Variants in PCDHGB7 observed in about 807,000 individuals in gnomAD.
PCDHGB7 encodes the protein protocadherin gamma-B7.
A neutral mutation model predicts 61.4 loss-of-function variants in PCDHGB7; 37 were observed. The ratio of observed to expected loss-of-function variants is 0.60; its 90% confidence interval spans 0.46 to 0.79. The LOEUF is 0.79. Among genes scored for constraint, PCDHGB7 ranks in the 30% least tolerant of loss-of-function variants. The pLI, the probability that PCDHGB7 is intolerant of heterozygous loss-of-function variation, is 0.00. For synonymous variants in PCDHGB7, 464 were observed against 503.5 expected (o/e 0.92, Z 1.05); for missense variants, 1,166 against 1,202.5 (o/e 0.97, Z 0.45).
At chr5:141,433,256 C>G (rs760130587) in intron 1 of PCDHGB7, 2 of 1,385,666 alleles carry the variant, frequency 1.4e-6, no homozygotes, top group Non-Finnish European at 2.0e-6. Context: ...TGCAGCGGTA[C>G]GATCATAGCT....
At position 141,419,904 on chromosome 5, in the gene PCDHGB7, C is replaced by G. The variant is rs2096446397; in HGVS notation, c.2045C>G (p.Ser682Cys). The change falls in exon 1 of 4, where the codon TCT (serine) becomes TGT (cysteine). Residue 682 changes from serine to cysteine, a missense_variant. Ser to Cys is a moderately radical substitution (Grantham distance 112). Coordinates refer to ENST00000398594, the MANE Select transcript of PCDHGB7 (RefSeq NM_018927.4). ...GATTTCAGCGACCATCCCACACCCT[C>G]TGACTCCCAGGCTGAGATGCAGTTT... ...LPDFSDHPTP[S>C]DSQAEMQFYL... The G allele has an allele frequency of 1.2e-6, 2 of 1,614,108 alleles. No individual in the cohort carries two copies. Among genetic ancestry groups the G allele is most frequent in the Non-Finnish European group, 1.7e-6 (2 of 1,179,906 alleles).
chr5:141,417,942 C>T lies in PCDHGB7; in HGVS notation c.83C>T (p.Thr28Met), dbSNP rs1324501154. The change falls in exon 1 of 4, where the codon ACG becomes ATG. Residue 28 changes from threonine to methionine, a missense_variant. Coordinates refer to ENST00000398594, the MANE Select transcript of PCDHGB7 (RefSeq NM_018927.4). ...FPLLLPLFYP[T>M]LCEPIRYSIP... is the part of the protein sequence containing the mutation. ...TTGCTGCTGCCTTTGTTCTACCCCA[C>T]GCTGTGTGAGCCGATCCGCTACTCG... 2.5e-6 allele frequency: 4 copies of T among 1,613,090 alleles called. No homozygotes were observed. Among genetic ancestry groups the T allele is most frequent in the South Asian group, 1.1e-5 (1 of 91,020 alleles).
Position 141,489,173 on chromosome 5 carries a change from C to T in PCDHGB7, c.2416-5634C>T. 8.3e-7 allele frequency: 1 copy of T among 1,208,434 alleles called. No individual in the cohort carries two copies. Among genetic ancestry groups the T allele is most frequent in the Non-Finnish European group, 1.2e-6 (1 of 860,944 alleles). The allele number at this position is 1,208,434 out of a possible 1,614,324, so 74.9% of individuals were successfully genotyped here. ...CATAAGAGACTTCAGCTGCTGCATTCCAAGCCCTGGGTCTACCTTGGAGAC... is the reference window on the plus strand; with the variant it reads ...CATAAGAGACTTCAGCTGCTGCATTTCAAGCCCTGGGTCTACCTTGGAGAC... On this transcript the variant is annotated intron_variant, in intron 1 of 3. Coordinates refer to ENST00000398594, the MANE Select transcript of PCDHGB7 (RefSeq NM_018927.4). The surrounding 1 kb of genome is among the most constrained non-coding windows in gnomAD (Gnocchi z 4.5).
At position 141,422,630 on chromosome 5, in the gene PCDHGB7, G is replaced by A. The variant is rs1193466428; in HGVS notation, c.2415+2356G>A. 5 of 1,613,176 alleles carry A rather than the reference G, an allele frequency of 3.1e-6. No homozygotes were observed. The Admixed American group carries it at 8.3e-5, about 27-fold the overall frequency. On this transcript the variant is annotated intron_variant, in intron 1 of 3. Coordinates refer to ENST00000398594, the MANE Select transcript of PCDHGB7 (RefSeq NM_018927.4). ...GCCTACATTCCCGAAAACAACCCCA[G>A]GGGTGCCTCCATCTTCTCAGTGACC...
Position 141,419,025 on chromosome 5 carries a change from G to T in PCDHGB7, c.1166G>T (p.Gly389Val), listed in dbSNP as rs2096315076. 6.2e-6 allele frequency: 10 copies of T among 1,613,736 alleles called. No homozygotes were observed. In the East Asian group the frequency reaches 2.0e-4, roughly 32 times the overall value. Residue 389 changes from glycine to valine, a missense_variant, in exon 1 of 4, where the codon GGT becomes GTT. Transcript: ENST00000398594. The part of the protein sequence containing the change: ...NGEVRCSLSR[G>V]VPFKIHSSSN... ...GAAGTCAGGTGTAGCTTAAGTAGAG[G>T]TGTTCCATTTAAGATTCATTCTTCT...
intron 1 of PCDHGB7, among the ~76,000 whole-genome samples, chr5:141,454,371 G>A (rs901551817): frequency 6.6e-6 from 1 of 152,096 alleles, no homozygotes; most frequent in Non-Finnish European, 1.5e-5. Context: ...AAGGAGTATG[G>A]CAACTTGTCA....
In PCDHGB7 at chr5:141,420,052, C is replaced by T. The variant is rs535784301; in HGVS notation, c.2193C>T (p.Leu731=). 1 of 1,614,070 alleles carries T rather than the reference C, an allele frequency of 6.2e-7. No homozygotes were observed. Among genetic ancestry groups the T allele is most frequent in the South Asian group, 1.1e-5 (1 of 91,088 alleles). The change falls in exon 1 of 4, where the codon CTC becomes CTT. Residue 731 remains leucine, a synonymous_variant. Coordinates refer to ENST00000398594, the MANE Select transcript of PCDHGB7 (RefSeq NM_018927.4). ...CAGGAGACTGCTTTGAGTCAGTTCT[C>T]TGCTCCAAGTCCGGACCTGTGGGTC... ...PTAGDCFESV[L]CSKSGPVGPP...
chr5:141,425,523 T>C (rs1260519939), intron 1 of PCDHGB7, among the ~76,000 whole-genome samples: 1 of 152,248 alleles, frequency 6.6e-6, no homozygotes, highest in Admixed American at 6.5e-5. Flanking sequence ...TGATGAAACA[T>C]GAAACAATAA....
chr5:141,463,438 CTTTTTTT>C (rs71576115), intron 1 of PCDHGB7, among the ~76,000 whole-genome samples: 1 of 103,252 alleles, frequency 9.7e-6, no homozygotes, highest in Non-Finnish European at 1.9e-5. Flanking sequence ...TTTCCTTCTC[CTTTTTTT>C]TTTTTTTTTT....
chr5:141,495,415 C>T (rs1385371906), intron 2 of PCDHGB7, among the ~76,000 whole-genome samples: 1 of 152,194 alleles, frequency 6.6e-6, no homozygotes, highest in Admixed American at 6.5e-5. Context: ...TTCTCCGGCC[C>T]CTCCTCCCAC....
chr5:141,437,693 C>G (rs1305650032), intron 1 of PCDHGB7, among the ~76,000 whole-genome samples: 1 of 151,638 alleles, frequency 6.6e-6, no homozygotes, highest in African/African-American at 2.4e-5. Context: ...GAGGCTAAAT[C>G]TCAAGAAAGA....
At chr5:141,448,862 G>A (rs1406203589) in intron 1 of PCDHGB7, among the ~76,000 whole-genome samples, 2 of 151,996 alleles carry the variant, frequency 1.3e-5, no homozygotes, top group African/African-American at 2.4e-5. Context: ...GGAGAATGGC[G>A]TGAACCTGGG....
At chr5:141,508,896 C>A (rs1171693212) in intron 3 of PCDHGB7, among the ~76,000 whole-genome samples, 1 of 151,862 alleles carries the variant, frequency 6.6e-6, no homozygotes, top group Non-Finnish European at 1.5e-5. Context: ...GGGGAGGGGG[C>A]GGGGCGGTGG....
At chr5:141,504,476 A>G (rs998883721) in intron 2 of PCDHGB7, among the ~76,000 whole-genome samples, 4 of 152,016 alleles carry the variant, frequency 2.6e-5, no homozygotes, top group African/African-American at 9.7e-5. Context: ...GGATGGGAGT[A>G]CAGTGGAGGC....
At position 141,490,516 on chromosome 5, in the gene PCDHGB7, G is replaced by T. The variant is rs768123119; in HGVS notation, c.2416-4291G>T. The T allele has an allele frequency of 6.2e-7, 1 of 1,613,828 alleles. No individual in the cohort carries two copies. The highest frequency in any genetic ancestry group is 2.2e-5 in the East Asian group (1 of 44,864). On this transcript the variant is annotated intron_variant, in intron 1 of 3. Transcript: ENST00000398594. This position sits in a 1 kb window ranked among gnomAD's most constrained non-coding sequence, Gnocchi z 5.4. ...ATCCCACTATATCATCGAGCTGCTG[G>T]CCAGCGATGCTGGTTCACCTTCCCT... is the stretch of plus-strand genomic sequence containing the variant.
chr5:141,449,066 A>G (rs1234801725), intron 1 of PCDHGB7, among the ~76,000 whole-genome samples: 3 of 152,188 alleles, frequency 2.0e-5, no homozygotes, highest in African/African-American at 4.8e-5. Context: ...GCGCTATTGA[A>G]TAGCCCTGTA....
At position 141,422,424 on chromosome 5, in the gene PCDHGB7, T is replaced by C. The variant is rs1182660567; in HGVS notation, c.2415+2150T>C. The C allele has an allele frequency of 2.5e-6, 4 of 1,608,076 alleles. No homozygotes were observed. The East Asian group carries it at 6.7e-5, about 27-fold the overall frequency. On this transcript the variant is annotated intron_variant, in intron 1 of 3. Transcript: ENST00000398594. ...TGCCTTTTAAATTAGAAAAGACTTA[T>C]GGAAATTATTACAAATTGATAACAA...
intron 1 of PCDHGB7, among the ~76,000 whole-genome samples, chr5:141,435,227 G>T (rs1461159947): frequency 1.3e-5 from 2 of 152,030 alleles, no homozygotes; most frequent in African/African-American, 4.8e-5. Context: ...TTCTTTCAAA[G>T]TTCAGTAATT....
chr5:141,424,036 C>A, intron 1 of PCDHGB7: 1 of 1,029,606 alleles, frequency 9.7e-7, no homozygotes, highest in Non-Finnish European at 1.2e-6. Context: ...CTTTTTATTT[C>A]CATTTCAATT....
Sources: allele counts gnomAD v4.1 joint callset (sites outside exome capture counted in the v4.1 genomes callset), GRCh38; gene constraint gnomAD v4.1.1; non-coding constraint Gnocchi (gnomAD v3.1); transcripts MANE v1.5; gene names NCBI Gene and HGNC (gene_info 2026-07-23, HGNC 2026-07-21).